Variants in GSAP observed in about 807,000 individuals in gnomAD.
GSAP encodes gamma-secretase activating protein.
A neutral mutation model predicts 131.7 loss-of-function variants in GSAP; 118 were observed. The ratio of observed to expected loss-of-function variants is 0.90; its 90% CI spans 0.77 to 1.04. The LOEUF (loss-of-function observed/expected upper bound fraction) is 1.04, where lower values mean the gene tolerates loss of function less well. Ranked by LOEUF, GSAP falls within the 50% of genes least tolerant of loss-of-function variation. The pLI, the probability that GSAP is intolerant of heterozygous loss-of-function variation, is 0.00. For synonymous variants in GSAP, 381 were observed against 363.4 expected, an observed-to-expected ratio of 1.05 and a Z score of -0.55; for missense variants, 1,019 against 1,013.2, an observed-to-expected ratio of 1.01 and a Z score of -0.08.
chr7:77,355,447 A>AC lies in GSAP; in HGVS notation c.1121-18_1121-17insG. ...CATTATTTCCTGGCAAAAAAAAAAA[A>AC]AACAGTAGATCAGCAAATAGAAGAA... is the stretch of plus-strand genomic sequence containing the variant. On this transcript the variant is annotated splice_polypyrimidine_tract_variant and intron_variant, in intron 15 of 30. Transcript: ENST00000257626. The AC allele has an allele frequency of 6.4e-7, 1 of 1,566,668 alleles. No homozygotes were observed. The highest frequency in any genetic ancestry group is 1.2e-5 in the South Asian group (1 of 86,122).
chr7:77,337,437 A>T (rs1790200512), intron 19 of GSAP, among the ~76,000 whole-genome samples: 1 of 152,182 alleles, frequency 6.6e-6, no homozygotes, highest in Admixed American at 6.5e-5. Flanking sequence ...GGCCTCCCAA[A>T]GTGCTGGGAT....
At chr7:77,357,291 A>C (rs527538372) in intron 14 of GSAP, among the ~76,000 whole-genome samples, 57 of 152,312 alleles carry the variant, frequency 3.7e-4, no homozygotes, top group African/African-American at 1.3e-3. Flanking sequence ...AGGCTGAATG[A>C]TGGCTCCTGA....
chr7:77,384,459 TA>T (rs537142178), intron 6 of GSAP, among the ~76,000 whole-genome samples: 5 of 152,224 alleles, frequency 3.3e-5, no homozygotes. Context: ...CACTCAAGGT[TA>T]TTTTTTTTGT....
intron 19 of GSAP, among the ~76,000 whole-genome samples, chr7:77,336,419 G>A (rs550488485): frequency 1.3e-5 from 2 of 152,286 alleles, no homozygotes; most frequent in South Asian, 2.1e-4. Context: ...CATCTAGGAA[G>A]TAGGCTGAAG....
chr7:77,396,696 A>G (rs1800453596), intron 5 of GSAP, among the ~76,000 whole-genome samples: 1 of 152,138 alleles, frequency 6.6e-6, no homozygotes, highest in Non-Finnish European at 1.5e-5. Flanking sequence ...TTATACCAAC[A>G]TCTGACCATA....
intron 14 of GSAP, among the ~76,000 whole-genome samples, chr7:77,357,691 T>C (rs894654065): frequency 1.3e-5 from 2 of 152,196 alleles, no homozygotes; most frequent in Non-Finnish European, 2.9e-5. Flanking sequence ...TTGGGCCACA[T>C]TCAAGCCATC....
intron 5 of GSAP, among the ~76,000 whole-genome samples, chr7:77,391,322 T>C (rs1166167645): frequency 6.6e-6 from 1 of 152,020 alleles, no homozygotes; most frequent in Non-Finnish European, 1.5e-5. Flanking sequence ...ACCCAGACAT[T>C]TGACTAATAC....
At chr7:77,337,300 G>GT (rs1366452202) in intron 19 of GSAP, among the ~76,000 whole-genome samples, 20 of 135,430 alleles carry the variant, frequency 1.5e-4, no homozygotes, top group Non-Finnish European at 3.2e-4. Flanking sequence ...CGGGGGTGGG[G>GT]TGGGGGGGGG....
At chr7:77,393,737 G>A (rs1415951048) in intron 5 of GSAP, among the ~76,000 whole-genome samples, 10 of 147,382 alleles carry the variant, frequency 6.8e-5, no homozygotes, top group Admixed American at 5.5e-4. Flanking sequence ...ACAGTGGCAC[G>A]ATCTCTGCTC....
At chr7:77,409,304 A>C (rs1802857999) in intron 1 of GSAP, among the ~76,000 whole-genome samples, 1 of 152,166 alleles carries the variant, frequency 6.6e-6, no homozygotes, top group Non-Finnish European at 1.5e-5. Context: ...CAACACAGCA[A>C]AACCCTGTCT....
intron 13 of GSAP, among the ~76,000 whole-genome samples, chr7:77,362,139 A>G (rs749129201): frequency 2.0e-5 from 3 of 152,220 alleles, no homozygotes; most frequent in Non-Finnish European, 4.4e-5. Flanking sequence ...CAGGAAATAT[A>G]TATCCTGTAA....
chr7:77,343,488 C>T (rs536117620), intron 19 of GSAP, among the ~76,000 whole-genome samples: 109 of 152,258 alleles, frequency 7.2e-4, no homozygotes, highest in Non-Finnish European at 1.3e-3. Context: ...ATCATTAATG[C>T]CTCTTTAATA....
chr7:77,376,821 T>C (rs1796961718), intron 10 of GSAP, 27 bp downstream of exon 10: 2 of 1,111,238 alleles, frequency 1.8e-6, no homozygotes, highest in Middle Eastern at 2.0e-4. Flanking sequence ...TAAACTTTCC[T>C]GTAGTGTGAT....
At chr7:77,410,507 T>C (rs2151212233) in intron 1 of GSAP, among the ~76,000 whole-genome samples, 1 of 152,354 alleles carries the variant, frequency 6.6e-6, no homozygotes, top group Admixed American at 6.5e-5. Context: ...AATTTCACAG[T>C]TTAGTATATT....
intron 6 of GSAP, among the ~76,000 whole-genome samples, chr7:77,383,613 T>A (rs1243333073): frequency 6.6e-6 from 1 of 152,196 alleles, no homozygotes; most frequent in East Asian, 1.9e-4. Flanking sequence ...CCCACCACTA[T>A]GTGTCTGTTT....
Position 77,377,330 on chromosome 7 carries a change from G to A in GSAP, c.637C>T (p.Gln213Ter), listed in dbSNP as rs764229994. Reference protein sequence around the residue: ...DRIAEDFVWAQWDMSEQRLYY... With the variant: ...DRIAEDFVWA The stretch of plus-strand genomic sequence containing the variant: ...AATCTCTGTTCTGACATATCCCACT[G>A]AGCCCAAACGAAATCCTCAGCTATT... The change falls in exon 9 of 31, where the codon CAG (glutamine) becomes TAG (stop). Residue 213 changes from glutamine (Q) to a stop codon, truncating the protein, a stop_gained. Coordinates refer to ENST00000257626, the MANE Select transcript of GSAP (RefSeq NM_017439.4). LOFTEE classifies it high-confidence loss of function. 3.8e-6 allele frequency: 6 copies of A among 1,560,962 alleles called. No individual in the cohort carries two copies. Among genetic ancestry groups the A allele is most frequent in the Non-Finnish European group, 1.7e-6 (2 of 1,157,944 alleles).
At chr7:77,352,493 T>G (rs1205258935) in intron 18 of GSAP, among the ~76,000 whole-genome samples, 1 of 152,200 alleles carries the variant, frequency 6.6e-6, no homozygotes, top group Non-Finnish European at 1.5e-5. Flanking sequence ...TGCCTAAGAT[T>G]GCTGACTTTT....
intron 18 of GSAP, 142 bp downstream of exon 18, chr7:77,352,802 C>T: frequency 7.7e-6 from 4 of 521,174 alleles, no homozygotes; most frequent in Non-Finnish European, 6.9e-6. Context: ...ACTTTTCTGC[C>T]AAAAAAAATT....
At chr7:77,395,058 T>C (rs1346028590) in intron 5 of GSAP, among the ~76,000 whole-genome samples, 1 of 152,182 alleles carries the variant, frequency 6.6e-6, no homozygotes. Flanking sequence ...TGAATAGACT[T>C]TAATGTTGTA....
Sources: gnomAD v4.1 joint callset for allele counts (sites outside exome capture counted in the v4.1 genomes callset) on GRCh38, gnomAD v4.1.1 for gene constraint, MANE v1.5 for transcripts, NCBI Gene and HGNC (gene_info 2026-07-23, HGNC 2026-07-21) for gene names.